The following ARHGAP26 variants were observed in gnomAD, a reference collection of about 807,000 sequenced individuals.
ARHGAP26 encodes the protein rho GTPase-activating protein 26.
ARHGAP26 carries 38 observed loss-of-function variants against 104.8 expected under a neutral mutation model. The observed-to-expected ratio is 0.36, with a 90% CI of 0.28 to 0.48. The LOEUF is 0.48. Among genes scored for constraint, ARHGAP26 ranks in the 20% least tolerant of loss-of-function variants. ARHGAP26 has a pLI of 0.99. For missense variants in ARHGAP26, 704 were observed against 947.9 expected (o/e 0.74, Z 3.38); for synonymous variants, 341 against 340.0 (o/e 1.00, Z -0.03).
chr5:143,065,628 C>T (rs1179762059), intron 17 of ARHGAP26, among the ~76,000 whole-genome samples: 1 of 152,202 alleles, frequency 6.6e-6, no homozygotes, highest in Non-Finnish European at 1.5e-5. Context: ...TAACTTCGCA[C>T]ATCAGGTTTT....
At chr5:142,973,713 A>G (rs1598442295) in intron 11 of ARHGAP26, among the ~76,000 whole-genome samples, 1 of 152,048 alleles carries the variant, frequency 6.6e-6, no homozygotes, top group East Asian at 1.9e-4. Flanking sequence ...GGTCTGTTAC[A>G]TACCTTAAGA....
intron 1 of ARHGAP26, among the ~76,000 whole-genome samples, chr5:142,838,340 T>A (rs190883335): frequency 8.5e-4 from 130 of 152,190 alleles, no homozygotes; most frequent in African/African-American, 2.9e-3. Context: ...AGGAAATAGG[T>A]TTTGCATTTT....
chr5:143,192,302 A>G (rs1806059436), intron 20 of ARHGAP26, among the ~76,000 whole-genome samples: 1 of 152,220 alleles, frequency 6.6e-6, no homozygotes, highest in Non-Finnish European at 1.5e-5. Context: ...CAGTGGTTAC[A>G]GGAAAGGGAA....
chr5:143,133,778 C>T (rs1797622839), intron 18 of ARHGAP26, among the ~76,000 whole-genome samples, 189 bp from the exon 19 acceptor site: 1 of 152,114 alleles, frequency 6.6e-6, no homozygotes, highest in African/African-American at 2.4e-5. Context: ...GATAAGCTTC[C>T]AAACAAGAAT....
intron 10 of ARHGAP26, among the ~76,000 whole-genome samples, chr5:142,913,862 TAG>T (rs1482499016): frequency 6.6e-6 from 1 of 152,226 alleles, no homozygotes; most frequent in Non-Finnish European, 1.5e-5. Flanking sequence ...TCGAGATTTA[TAG>T]AGTCTCTCAT....
At chr5:143,193,998 T>C (rs1806386856) in intron 20 of ARHGAP26, 1 of 152,100 alleles carries the variant, frequency 6.6e-6, no homozygotes, top group Admixed American at 6.5e-5. Flanking sequence ...GGGTCAGTTG[T>C]CCACACTGAC....
At chr5:142,935,860 C>T (rs1219230406) in intron 11 of ARHGAP26, among the ~76,000 whole-genome samples, 2 of 151,938 alleles carry the variant, frequency 1.3e-5, no homozygotes, top group Non-Finnish European at 2.9e-5. Context: ...TGAAACTTGG[C>T]CAAGGGGGGA....
At chr5:142,858,825 A>C (rs546270970) in intron 1 of ARHGAP26, among the ~76,000 whole-genome samples, 1 of 152,286 alleles carries the variant, frequency 6.6e-6, no homozygotes, top group African/African-American at 2.4e-5. Context: ...GAATGCGAGG[A>C]GACTGCTTCC....
chr5:143,206,739 A>G (rs1808619507), intron 20 of ARHGAP26, among the ~76,000 whole-genome samples: 1 of 152,188 alleles, frequency 6.6e-6, no homozygotes, highest in Non-Finnish European at 1.5e-5. Context: ...TTATTTTCTC[A>G]CCGAATGGCC....
rs756269539 is a variant in ARHGAP26 at position 142,770,800 on chromosome 5, C to G, written c.39C>G (p.Leu13=). 6 of 1,598,938 alleles carry G rather than the reference C, an allele frequency of 3.8e-6. No individual in the cohort carries two copies. The highest frequency in any genetic ancestry group is 3.3e-5 in the South Asian group (3 of 89,828). The stretch of plus-strand genomic sequence containing the variant: ...CGCTCGAGTTCAGCGACTGCTGCCT[C>G]GATAGTCCGCACTTCCGAGAGACGC... ...LPALEFSDCC[L]DSPHFRETLK... Residue 13 remains leucine (L), a synonymous_variant, in exon 1 of 23, where the codon CTC becomes CTG. Transcript: ENST00000645722.
intron 1 of ARHGAP26, among the ~76,000 whole-genome samples, chr5:142,774,758 C>T (rs561198061): frequency 6.6e-6 from 1 of 152,142 alleles, no homozygotes; most frequent in Non-Finnish European, 1.5e-5. Context: ...CCCACTAACC[C>T]CGGGCAACCA....
At chr5:142,809,214 C>G (rs1393815864) in intron 1 of ARHGAP26, among the ~76,000 whole-genome samples, 2 of 152,054 alleles carry the variant, frequency 1.3e-5, no homozygotes, top group African/African-American at 4.8e-5. Context: ...TTTTATCAGT[C>G]TTAGACATTT....
At chr5:142,805,622 A>T (rs141010445) in intron 1 of ARHGAP26, among the ~76,000 whole-genome samples, 1 of 152,150 alleles carries the variant, frequency 6.6e-6, no homozygotes, top group East Asian at 1.9e-4. Flanking sequence ...ATGAGTTTAT[A>T]TGAAGGCCCA....
At chr5:143,148,867 G>A (rs1455819949) in intron 20 of ARHGAP26, among the ~76,000 whole-genome samples, 1 of 152,150 alleles carries the variant, frequency 6.6e-6, no homozygotes, top group African/African-American at 2.4e-5. Context: ...GTATGAGCAA[G>A]GTTGAATTTC....
intron 15 of ARHGAP26, 109 bp from the exon 16 acceptor site, chr5:143,055,919 C>T: frequency 1.4e-6 from 1 of 724,042 alleles, no homozygotes; most frequent in Non-Finnish European, 2.3e-6. Context: ...TCCCTGTGAT[C>T]TTTGTCTTCG....
At chr5:142,870,215 C>T (rs939753493) in intron 1 of ARHGAP26, among the ~76,000 whole-genome samples, 2 of 152,186 alleles carry the variant, frequency 1.3e-5, no homozygotes, top group African/African-American at 4.8e-5. Context: ...TTTTCTCTCT[C>T]CTCTTATTGG....
At chr5:142,881,136 T>C (rs1756938368) in intron 4 of ARHGAP26, among the ~76,000 whole-genome samples, 1 of 152,230 alleles carries the variant, frequency 6.6e-6, no homozygotes. Flanking sequence ...GGGCTCCTCT[T>C]GGTGGCCTTG....
At chr5:142,954,713 G>T (rs1447059953) in intron 11 of ARHGAP26, among the ~76,000 whole-genome samples, 2 of 152,216 alleles carry the variant, frequency 1.3e-5, no homozygotes, top group African/African-American at 4.8e-5. Flanking sequence ...CTAGTGTCCA[G>T]TGGTGATATG....
intron 19 of ARHGAP26, among the ~76,000 whole-genome samples, chr5:143,137,461 T>C (rs1245094884): frequency 6.6e-6 from 1 of 152,238 alleles, no homozygotes. Context: ...ACCTTACCTT[T>C]CTTCAGGTTC....
Sources: gnomAD v4.1 joint callset for allele counts (sites outside exome capture counted in the v4.1 genomes callset) on GRCh38, gnomAD v4.1.1 for gene constraint, MANE v1.5 for transcripts, NCBI Gene and HGNC (gene_info 2026-07-23, HGNC 2026-07-21) for gene names.